The following DNTTIP1 variants were observed in gnomAD, a reference collection of about 807,000 sequenced individuals.
DNTTIP1 encodes deoxynucleotidyltransferase terminal-interacting protein 1.
Under a neutral mutation model 52.9 loss-of-function variants are expected in DNTTIP1, and 22 were observed. That is an observed-to-expected ratio of 0.42 (90% CI 0.30 to 0.59). The LOEUF (loss-of-function observed/expected upper bound fraction) is 0.59. Among genes scored for constraint, DNTTIP1 ranks in the 20% least tolerant of loss-of-function variants. DNTTIP1 has a pLI of 0.22. For synonymous variants in DNTTIP1, 136 were observed against 155.1 expected (o/e 0.88, Z 0.92); for missense variants, 286 against 435.5 (o/e 0.66, Z 3.06).
intron 4 of DNTTIP1, 56 bp downstream of exon 4, chr20:45,795,499 A>G (rs1981210076): frequency 1.8e-6 from 2 of 1,140,730 alleles, no homozygotes; most frequent in Non-Finnish European, 2.6e-6. Context: ...CGAGCCTCTG[A>G]TAAGAAATGC....
At chr20:45,801,165 GT>G in intron 5 of DNTTIP1, 23 bp downstream of exon 5, 1 of 1,611,274 alleles carries the variant, frequency 6.2e-7, no homozygotes, top group Non-Finnish European at 8.5e-7. Flanking sequence ...GTGTTCTCGG[GT>G]ATTGGAGCGG....
intron 4 of DNTTIP1, among the ~76,000 whole-genome samples, chr20:45,799,290 C>T (rs1981344703): frequency 6.6e-6 from 1 of 152,178 alleles, no homozygotes; most frequent in Non-Finnish European, 1.5e-5. Flanking sequence ...GAAAGAACGG[C>T]CAGAGAAGTA....
intron 4 of DNTTIP1, 51 bp downstream of exon 4, chr20:45,795,494 C>T: frequency 8.4e-7 from 1 of 1,191,632 alleles, no homozygotes. Context: ...GCTCTCGAGC[C>T]TCTGATAAGA....
chr20:45,794,087 C>A lies in DNTTIP1; in HGVS notation c.273+70C>A, dbSNP rs1477948384. 17 of 928,440 alleles carry A rather than the reference C, an allele frequency of 1.8e-5. No individual in the cohort carries two copies. The East Asian group carries it at 4.4e-4, about 24-fold the overall frequency. 57.5% of individuals were successfully genotyped at this position (928,440 alleles called of 1,614,324 possible). A position where few individuals can be genotyped will look rare whatever the true frequency, so the allele number is the denominator to read the frequency against. Reference sequence around the variant, plus strand: ...AGGAGCCCAGTCCTTGCCTGCATCACCAGTCTGTCTCTTTCCTACATACAG... The same window carrying A: ...AGGAGCCCAGTCCTTGCCTGCATCAACAGTCTGTCTCTTTCCTACATACAG... On this transcript the variant is annotated intron_variant, in intron 3 of 12. Coordinates refer to ENST00000372622, the MANE Select transcript of DNTTIP1 (RefSeq NM_052951.3).
At position 45,809,064 on chromosome 20, in the gene DNTTIP1, G is replaced by T. The variant is rs1227992612; in HGVS notation, c.724-50G>T. ...AAGAGTATGCTCTGGGACCAAATGA[G>T]AAAAGCCCCTTACCCGAGGCTAATT... On this transcript the variant is annotated intron_variant, in intron 10 of 12. Coordinates refer to ENST00000372622, the MANE Select transcript of DNTTIP1 (RefSeq NM_052951.3). The surrounding 1 kb of genome is among the most constrained non-coding windows in gnomAD (Gnocchi z 4.2). 1.2e-5 allele frequency: 19 copies of T among 1,538,832 alleles called. No homozygotes were observed. The highest frequency in any genetic ancestry group is 1.7e-5 in the Non-Finnish European group (19 of 1,112,226).
Position 45,795,385 on chromosome 20 carries a change from G to A in DNTTIP1, c.314G>A (p.Gly105Glu). The change falls in exon 4 of 13, where the codon GGG becomes GAG. Residue 105 changes from glycine to glutamate, a missense_variant. Transcript: ENST00000372622. ...KAALNVRDNV[G>E]EEVDAEQLIQ... ...GCACTGAACGTGCGAGACAATGTTGGGGAGGAGGTGGACGCAGAGCAGCTG... is the reference window on the plus strand; with the variant it reads ...GCACTGAACGTGCGAGACAATGTTGAGGAGGAGGTGGACGCAGAGCAGCTG... 1 of 1,611,822 alleles carries A rather than the reference G, an allele frequency of 6.2e-7. No individual in the cohort carries two copies. The highest frequency in any genetic ancestry group is 1.1e-5 in the South Asian group (1 of 90,514).
intron 4 of DNTTIP1, among the ~76,000 whole-genome samples, chr20:45,797,972 C>G (rs1458985695): frequency 6.6e-6 from 1 of 151,980 alleles, no homozygotes; most frequent in Non-Finnish European, 1.5e-5. Context: ...CCCAGCCATC[C>G]CATTACTGGG....
rs756249546 is a variant in DNTTIP1 at position 45,795,472 on chromosome 20, G to A, written c.372+29G>A. 9 of 1,419,710 alleles carry A rather than the reference G, an allele frequency of 6.3e-6. No homozygotes were observed. In the Admixed American group the frequency reaches 1.5e-4, roughly 24 times the overall value. 87.9% of individuals were successfully genotyped at this position (1,419,710 alleles called of 1,614,324 possible). A position where few individuals can be genotyped will look rare whatever the true frequency, so the allele number is the denominator to read the frequency against. On this transcript the variant is annotated intron_variant, in intron 4 of 12. Transcript: ENST00000372622. ...AGACCAAAGGGGACAAGAGATGCAGGCACAAGGTTTAGCTCTCGAGCCTCT... is the reference window on the plus strand; with the variant it reads ...AGACCAAAGGGGACAAGAGATGCAGACACAAGGTTTAGCTCTCGAGCCTCT...
At chr20:45,802,549 C>G (rs565177033) in intron 7 of DNTTIP1, among the ~76,000 whole-genome samples, 1 of 151,992 alleles carries the variant, frequency 6.6e-6, no homozygotes, top group Non-Finnish European at 1.5e-5. Flanking sequence ...ACAGACATAT[C>G]CCGTATACTC....
chr20:45,797,859 T>C (rs1269389553), intron 4 of DNTTIP1, among the ~76,000 whole-genome samples: 1 of 152,202 alleles, frequency 6.6e-6, no homozygotes, highest in East Asian at 1.9e-4. Context: ...TGTGGAGAAA[T>C]AGGAACACTT....
chr20:45,801,878 C>A, intron 6 of DNTTIP1, 121 bp from the exon 7 acceptor site: 1 of 1,014,088 alleles, frequency 9.9e-7, no homozygotes, highest in Non-Finnish European at 1.6e-6. Flanking sequence ...TTCTCCCTGT[C>A]CCTGTCAAAC....
Position 45,799,326 on chromosome 20 carries a change from A to G in DNTTIP1, c.373-1748A>G, listed in dbSNP as rs943003004. ...GAAGGAACACAGGAAGTGTGGCCAC[A>G]GGAGCCTGTAGAAAAGAGTGTTTCC... On this transcript the variant is annotated intron_variant, in intron 4 of 12. Transcript: ENST00000372622. Among the ~76,000 whole-genome samples, 24 of 152,254 alleles carry G rather than the reference A, an allele frequency of 1.6e-4. 1 individual carries two copies. The highest frequency in any genetic ancestry group is 1.2e-3 in the Admixed American group (19 of 15,288).
chr20:45,803,232 A>G, intron 7 of DNTTIP1, 101 bp from the exon 8 acceptor site: 1 of 1,184,760 alleles, frequency 8.4e-7, no homozygotes, highest in Non-Finnish European at 1.2e-6. Flanking sequence ...TCCAGGGCTA[A>G]AGTGAGAGTG....
In DNTTIP1 at chr20:45,800,685, A is replaced by AAG. The variant is rs1285694041; in HGVS notation, c.373-388_373-387insGA. ...GTGAAACTCCATCTCAATTTAAAAA[A>AAG]AAAAAAAAAATATATATATATATAT... On this transcript the variant is annotated intron_variant, in intron 4 of 12. Transcript: ENST00000372622. 2.4e-4 allele frequency among the ~76,000 whole-genome samples: 13 copies of AAG among 53,388 alleles called. 1 individual carries two copies. The highest frequency in any genetic ancestry group is 1.2e-3 in the African/African-American group (13 of 11,124). The allele number at this position is 53,388 out of a possible 152,430, so 35.0% of individuals were successfully genotyped here.
chr20:45,792,181 G>GTTCTCTCGCCCGC, intron 1 of DNTTIP1, 72 bp downstream of exon 1: 1 of 960,832 alleles, frequency 1.0e-6, no homozygotes, highest in Non-Finnish European at 1.4e-6. Context: ...CCTGGCCCGC[G>GTTCTCTCGCCCGC]GGCGAGAGAA....
intron 4 of DNTTIP1, among the ~76,000 whole-genome samples, chr20:45,800,026 A>T (rs563343788): frequency 6.6e-6 from 1 of 151,780 alleles, no homozygotes; most frequent in Admixed American, 6.6e-5. Flanking sequence ...AGGCAGAGGC[A>T]GGAGAATTGC....
At chr20:45,801,320 C>T in intron 5 of DNTTIP1, 82 bp from the exon 6 acceptor site, 1 of 1,523,220 alleles carries the variant, frequency 6.6e-7, no homozygotes, top group South Asian at 1.1e-5. Flanking sequence ...GAGCTGTAGT[C>T]CAGGGCTGTC....
intron 4 of DNTTIP1, among the ~76,000 whole-genome samples, chr20:45,800,747 A>T (rs1981436927): frequency 9.9e-6 from 1 of 101,094 alleles, no homozygotes; most frequent in Non-Finnish European, 1.9e-5. Context: ...ATATATATAT[A>T]TATATATATT....
At chr20:45,792,538 C>T in intron 1 of DNTTIP1, 139 bp from the exon 2 acceptor site, 1 of 653,268 alleles carries the variant, frequency 1.5e-6, no homozygotes. Flanking sequence ...TTACAACTAT[C>T]GTCCCACCCC....
Sources: gnomAD v4.1 joint callset for allele counts (sites outside exome capture counted in the v4.1 genomes callset) on GRCh38, gnomAD v4.1.1 for gene constraint, Gnocchi (gnomAD v3.1) non-coding constraint, MANE v1.5 for transcripts, NCBI Gene and HGNC (gene_info 2026-07-23, HGNC 2026-07-21) for gene names.